OGFOD2: variants seen among roughly 807,000 people sequenced by gnomAD.
OGFOD2 encodes the protein 2-oxoglutarate and iron-dependent oxygenase domain-containing protein 2.
A neutral mutation model predicts 31.1 loss-of-function variants in OGFOD2; 34 were observed. The observed-to-expected ratio is 1.09, with a 90% CI of 0.83 to 1.45. The LOEUF is 1.45. Ranked by LOEUF, OGFOD2 falls within the 40% of genes most tolerant of loss-of-function variation. The pLI is 0.00. For missense variants in OGFOD2, 537 were observed against 433.9 expected, an observed-to-expected ratio of 1.24 and a Z score of -2.11; for synonymous variants, 240 against 192.3, an observed-to-expected ratio of 1.25 and a Z score of -2.05.
chr12:122,976,660 C>T lies in OGFOD2; in HGVS notation c.196C>T (p.Gln66Ter). ...CAACCCTGTGCCACCCCAGCTTGAG[C>T]AGGAGGTGGAGCGGCGGCAGCGGCT... Residue 66 changes from glutamine (Q) to a stop codon, truncating the protein, a stop_gained, in exon 3 of 7, where the codon CAG (glutamine) becomes TAG (stop). Coordinates refer to ENST00000228922, the Ensembl canonical transcript of OGFOD2. LOFTEE classifies it high-confidence loss of function. 1 of 1,592,766 alleles carries T rather than the reference C, an allele frequency of 6.3e-7. No individual in the cohort carries two copies. The highest frequency in any genetic ancestry group is 1.1e-5 in the South Asian group (1 of 90,642).
At chr12:122,979,577 C>T (rs1459655000) in exon 7 of OGFOD2, 35 of 591,120 alleles carry the variant, frequency 5.9e-5, no homozygotes, top group Non-Finnish European at 9.1e-5. Flanking sequence ...GAGGGAGCAG[C>T]TGGGCAAGGA....
chr12:122,975,802 T>G lies in OGFOD2; in HGVS notation c.133-9T>G, dbSNP rs1427085439. ...ATACAGTCATGCTCAGTGTTCTTTC[T>G]GCTCCCAGATCCTGCGCAGCCGAGG... On this transcript the variant is annotated splice_polypyrimidine_tract_variant and intron_variant, in intron 1 of 6. Coordinates refer to ENST00000228922, the Ensembl canonical transcript of OGFOD2. 7.1e-6 allele frequency: 5 copies of G among 702,764 alleles called. No individual in the cohort carries two copies. The highest frequency in any genetic ancestry group is 5.2e-5 in the African/African-American group (3 of 57,254). 43.5% of individuals were successfully genotyped at this position (702,764 alleles called of 1,614,324 possible). A position where few individuals can be genotyped will look rare whatever the true frequency, so the allele number is the denominator to read the frequency against.
chr12:122,979,345 G>A lies in OGFOD2; in HGVS notation c.1052G>A (p.Ter351=), dbSNP rs770119016. 7.5e-6 allele frequency: 12 copies of A among 1,597,986 alleles called. No homozygotes were observed. In the African/African-American group the frequency reaches 1.2e-4, roughly 16 times the overall value. Residue 351 remains the stop codon, a stop_retained_variant, in exon 7 of 7, where the codon TGA becomes TAA. Coordinates refer to ENST00000228922, the Ensembl canonical transcript of OGFOD2. ...ACGGTGGATGTATGTGCGCTCACCT[G>A]AGCTTGCTTGGGCCCAGTGTGGGGG...
chr12:122,976,390 C>T (rs202035889), intron 2 of OGFOD2: 65 of 1,613,774 alleles, frequency 4.0e-5, no homozygotes, highest in East Asian at 2.2e-5. Context: ...TGTGTGGGCC[C>T]AGATGGTTGA....
chr12:122,976,611 A>C, intron 2 of OGFOD2, 43 bp from the exon 3 acceptor site: 1 of 1,409,706 alleles, frequency 7.1e-7, no homozygotes, highest in Non-Finnish European at 1.0e-6. Context: ...TGGCCTCAGG[A>C]GGATGGGAGG....
At chr12:122,978,254 G>A (rs1331724225) in intron 4 of OGFOD2, 188 bp from the exon 5 acceptor site, 21 of 646,724 alleles carry the variant, frequency 3.2e-5, no homozygotes, top group African/African-American at 1.3e-4. Flanking sequence ...GAAAGGTTCC[G>A]GGCATAAGTG....
exon 1 of OGFOD2, chr12:122,975,261 G>C (rs1209633438): frequency 1.5e-6 from 1 of 681,268 alleles, no homozygotes; most frequent in Non-Finnish European, 2.7e-6. Context: ...TATGGCGACG[G>C]TGGGGGCTCC....
chr12:122,975,142 G>A, upstream of OGFOD2: 1 of 499,128 alleles, frequency 2.0e-6, no homozygotes, highest in Non-Finnish European at 3.6e-6. Context: ...GTCCTTTTCC[G>A]CCCTTGGGAA....
upstream of OGFOD2, chr12:122,975,046 G>A (rs2037366451): frequency 2.2e-6 from 1 of 464,766 alleles, no homozygotes; most frequent in Admixed American, 3.6e-5. Context: ...TGGGAAAACT[G>A]GGAGGCGGAA....
chr12:122,978,478 C>T (rs756722886), exon 5 of OGFOD2: 27 of 1,613,474 alleles, frequency 1.7e-5, no homozygotes, highest in African/African-American at 1.3e-4. Flanking sequence ...GTTTTCACAG[C>T]GCCCTTCTGC....
At chr12:122,979,743 G>C (rs1002151142) in exon 7 of OGFOD2, 11 of 221,310 alleles carry the variant, frequency 5.0e-5, no homozygotes, top group African/African-American at 1.8e-4. Context: ...CTCCAGGGCA[G>C]GGTGCCTTCC....
exon 1 of OGFOD2, chr12:122,975,381 C>G (rs1269474577): frequency 1.4e-6 from 1 of 699,082 alleles, no homozygotes; most frequent in Admixed American, 2.0e-5. Flanking sequence ...GGACTACGGC[C>G]CGGTGAGTGG....
At chr12:122,975,999 C>T (rs182672316) in intron 2 of OGFOD2, 132 bp downstream of exon 2, 819 of 642,850 alleles carry the variant, frequency 1.3e-3, no homozygotes, top group Non-Finnish European at 2.0e-3. Context: ...CTCCTTCCTG[C>T]CCCCCACTCA....
rs2037447418 is a variant in OGFOD2, at chr12:122,976,790, G to A, written c.303+23G>A. On this transcript the variant is annotated intron_variant, in intron 3 of 6. Transcript: ENST00000228922. ...CAGGTACCAGCCAGCCAGAGTGCTT[G>A]AAGGCCGGTACTGGAAAGAGGAGGT... 5.0e-6 allele frequency: 8 copies of A among 1,608,026 alleles called. No individual in the cohort carries two copies. In the African/African-American group the frequency reaches 5.3e-5, roughly 11 times the overall value.
Position 122,978,583 on chromosome 12 carries a change from G to A in OGFOD2, c.531+14G>A. On this transcript the variant is annotated intron_variant, in intron 5 of 6. Transcript: ENST00000228922. ...AACAACTACGGGGTGGGTGAGGCCT[G>A]GCCGGTGGCAGAGGAGGGGGTGGCT... is the stretch of plus-strand genomic sequence containing the variant. 6.2e-7 allele frequency: 1 copy of A among 1,608,174 alleles called. No homozygotes were observed. The highest frequency in any genetic ancestry group is 8.5e-7 in the Non-Finnish European group (1 of 1,175,706).
intron 4 of OGFOD2, chr12:122,978,191 G>T: frequency 2.4e-6 from 1 of 418,088 alleles, no homozygotes; most frequent in Non-Finnish European, 4.4e-6. Flanking sequence ...TGGGCCTCAG[G>T]ACCCATATGT....
chr12:122,978,953 T>A, exon 6 of OGFOD2: 1 of 1,613,282 alleles, frequency 6.2e-7, no homozygotes, highest in Non-Finnish European at 8.5e-7. Context: ...TCACCCTCAA[T>A]GTGGCCTTGG....
upstream of OGFOD2, chr12:122,974,943 T>C (rs954550689): frequency 3.9e-6 from 1 of 257,544 alleles, no homozygotes; most frequent in Non-Finnish European, 7.4e-6. Flanking sequence ...GTCAAAGGCC[T>C]TGGGGCTCCG....
chr12:122,976,918 G>A (rs1410252856), exon 4 of OGFOD2: 1 of 1,613,526 alleles, frequency 6.2e-7, no homozygotes, highest in South Asian at 1.1e-5. Context: ...AGTACAGCGT[G>A]TCCCCAGACG....
Sources: allele counts gnomAD v4.1 joint callset, GRCh38; gene constraint gnomAD v4.1.1; transcripts MANE v1.5; gene names NCBI Gene and HGNC (gene_info 2026-07-23, HGNC 2026-07-21).